NSF: variants seen among roughly 807,000 people sequenced by gnomAD.
NSF encodes the protein vesicle-fusing ATPase.
A neutral mutation model predicts 50.3 loss-of-function variants in NSF; 14 were observed. That is an observed-to-expected ratio of 0.28 (90% CI 0.18 to 0.44). NSF has a LOEUF of 0.44. Ranked by LOEUF, NSF falls within the 20% of genes least tolerant of loss-of-function variation. NSF has a pLI of 1.00. For synonymous variants in NSF, 109 were observed against 175.7 expected, an observed-to-expected ratio of 0.62 and a Z score of 3.00; for missense variants, 218 against 504.3, an observed-to-expected ratio of 0.43 and a Z score of 5.44.
intron 17 of NSF, among the ~76,000 whole-genome samples, chr17:46,747,912 C>T (rs2059147115): frequency 1.3e-5 from 2 of 151,838 alleles, no homozygotes; most frequent in African/African-American, 4.8e-5. Flanking sequence ...AATCTAGTGC[C>T]AGCAAAATGA....
intron 17 of NSF, among the ~76,000 whole-genome samples, chr17:46,733,058 A>G (rs1409979622): frequency 2.0e-5 from 3 of 152,312 alleles, no homozygotes; most frequent in South Asian, 2.1e-4. Flanking sequence ...TGGACGTACA[A>G]TTTGTCCAGT....
chr17:46,619,791 A>AC (rs2058052889), intron 1 of NSF, among the ~76,000 whole-genome samples: 1 of 87,632 alleles, frequency 1.1e-5, no homozygotes, highest in Non-Finnish European at 2.1e-5. Context: ...AAAAAAAAAA[A>AC]AAAAACCCAG....
intron 14 of NSF, among the ~76,000 whole-genome samples, chr17:46,711,694 GTTATAA>G: frequency 1.3e-5 from 2 of 152,278 alleles, no homozygotes; most frequent in Middle Eastern, 6.8e-3. Flanking sequence ...TTAATTTACA[GTTATAA>G]TTAGTATGAC....
chr17:46,735,952 A>T (rs1157495256), intron 17 of NSF, among the ~76,000 whole-genome samples: 2 of 152,158 alleles, frequency 1.3e-5, no homozygotes, highest in African/African-American at 4.8e-5. Flanking sequence ...TCTCAAAAAA[A>T]GAATTGCCTT....
intron 18 of NSF, among the ~76,000 whole-genome samples, chr17:46,750,419 A>G (rs1241009283): frequency 6.6e-6 from 1 of 152,184 alleles, no homozygotes; most frequent in African/African-American, 2.4e-5. Context: ...GGAATATTGC[A>G]TTATATTTAG....
At chr17:46,743,095 G>A (rs555384034) in intron 17 of NSF, among the ~76,000 whole-genome samples, 105 of 152,184 alleles carry the variant, frequency 6.9e-4, no homozygotes, top group African/African-American at 2.4e-3. Flanking sequence ...TCCTTCGGAG[G>A]GGGTGTCTGA....
intron 14 of NSF, among the ~76,000 whole-genome samples, chr17:46,712,971 G>A (rs1043942828): frequency 1.3e-5 from 2 of 152,146 alleles, no homozygotes; most frequent in African/African-American, 4.8e-5. Context: ...GATCATTTGT[G>A]ACCTTGATGG....
intron 19 of NSF, among the ~76,000 whole-genome samples, chr17:46,752,437 G>A (rs1292441854): frequency 6.6e-6 from 1 of 152,044 alleles, no homozygotes; most frequent in Non-Finnish European, 1.5e-5. Context: ...ACATATGAAG[G>A]TGCTCAGTAA....
At chr17:46,733,478 G>A (rs1323715198) in intron 17 of NSF, among the ~76,000 whole-genome samples, 1 of 152,118 alleles carries the variant, frequency 6.6e-6, no homozygotes, top group African/African-American at 2.4e-5. Flanking sequence ...GTTTAATGCT[G>A]GGTTTGACAC....
chr17:46,735,884 G>A (rs1598728606), intron 17 of NSF, among the ~76,000 whole-genome samples: 1 of 152,308 alleles, frequency 6.6e-6, no homozygotes, highest in East Asian at 1.9e-4. Flanking sequence ...GGCGGAGTTT[G>A]CAGTGAGCTG....
intron 1 of NSF, among the ~76,000 whole-genome samples, chr17:46,595,386 T>C (rs2057860289): frequency 1.4e-5 from 1 of 73,506 alleles, no homozygotes; most frequent in African/African-American, 1.3e-4. Flanking sequence ...TTTTTTTACA[T>C]GTGTATAATG....
intron 1 of NSF, among the ~76,000 whole-genome samples, chr17:46,599,873 T>A (rs1598634355): frequency 1.0e-5 from 1 of 96,486 alleles, no homozygotes; most frequent in Admixed American, 1.1e-4. Flanking sequence ...GTCTCAAAAA[T>A]AATAATAATA....
At chr17:46,749,505 G>A (rs1337630488) in intron 17 of NSF, among the ~76,000 whole-genome samples, 2 of 152,124 alleles carry the variant, frequency 1.3e-5, no homozygotes, top group African/African-American at 4.8e-5. Flanking sequence ...CTTTCCATTT[G>A]TTTGTGTATC....
intron 4 of NSF, among the ~76,000 whole-genome samples, chr17:46,631,268 A>G (rs1306304034): frequency 1.5e-5 from 2 of 134,904 alleles, no homozygotes; most frequent in Non-Finnish European, 1.5e-5. Flanking sequence ...GCTCACTGCA[A>G]CCTCTGCCTC....
intron 18 of NSF, among the ~76,000 whole-genome samples, chr17:46,751,146 C>G (rs2059178600): frequency 6.6e-6 from 1 of 152,110 alleles, no homozygotes; most frequent in Non-Finnish European, 1.5e-5. Flanking sequence ...TGTGCAGAAG[C>G]TGGGTAAGAG....
intron 8 of NSF, among the ~76,000 whole-genome samples, chr17:46,657,603 T>A (rs1326228241): frequency 7.9e-6 from 1 of 127,144 alleles, no homozygotes; most frequent in African/African-American, 3.0e-5. Flanking sequence ...TTCTTCAAGT[T>A]TCAGCTTGAT....
At chr17:46,748,888 C>A (rs1249043173) in intron 17 of NSF, among the ~76,000 whole-genome samples, 1 of 152,152 alleles carries the variant, frequency 6.6e-6, no homozygotes, top group Admixed American at 6.5e-5. Context: ...TAGTACTCTG[C>A]ATGGCCTAGC....
chr17:46,707,141 G>A (rs945834751), intron 13 of NSF, among the ~76,000 whole-genome samples: 8 of 152,174 alleles, frequency 5.3e-5, no homozygotes, highest in Admixed American at 5.2e-4. Flanking sequence ...GTGAGCCACT[G>A]CACCCAGCCT....
chr17:46,720,318 G>A (rs1219977645), intron 15 of NSF, among the ~76,000 whole-genome samples: 1 of 152,136 alleles, frequency 6.6e-6, no homozygotes, highest in East Asian at 1.9e-4. Context: ...TTTGGCATTT[G>A]TATCTCTTTG....
Sources: gnomAD v4.1 joint callset for allele counts (sites outside exome capture counted in the v4.1 genomes callset) on GRCh38, gnomAD v4.1.1 for gene constraint, MANE v1.5 for transcripts, NCBI Gene and HGNC (gene_info 2026-07-23, HGNC 2026-07-21) for gene names.